ANKRD30A: variants seen among roughly 807,000 people sequenced by gnomAD.
The protein encoded by ANKRD30A is ankyrin repeat domain 30A, also known as ankyrin repeat domain-containing protein 30A.
ANKRD30A carries 170 observed loss-of-function variants against 166.3 expected under a neutral mutation model. That is an observed-to-expected ratio of 1.02 (90% CI 0.90 to 1.16). The LOEUF (loss-of-function observed/expected upper bound fraction) is 1.16, where lower values mean the gene tolerates loss of function less well. ANKRD30A is among the 50% of genes most tolerant of loss of function. The pLI is 0.00. For synonymous variants in ANKRD30A, 564 were observed against 508.9 expected (o/e 1.11, Z -1.46); for missense variants, 1,630 against 1,518.0 (o/e 1.07, Z -1.23).
At position 37,143,301 on chromosome 10, in the gene ANKRD30A, C is replaced by T. The variant is rs567671994; in HGVS notation, c.1393+1011C>T. 3.3e-4 allele frequency among the ~76,000 whole-genome samples: 50 copies of T among 152,204 alleles called. 1 individual carries two copies. Among genetic ancestry groups the T allele is most frequent in the Middle Eastern group, 6.8e-3 (2 of 294 alleles). ...ACAAGATTAGATTTGAGTATCAGGG[C>T]ATACTGGTTATGGTATAAGGCAGAG... On this transcript the variant is annotated intron_variant, in intron 7 of 35. Transcript: ENST00000361713.
chr10:37,128,634 A>G (rs1345661588), intron 1 of ANKRD30A, among the ~76,000 whole-genome samples: 2 of 152,224 alleles, frequency 1.3e-5, no homozygotes, highest in East Asian at 3.9e-4. Flanking sequence ...GTATTGATCC[A>G]TTCTTTTAAT....
downstream of ANKRD30A, among the ~76,000 whole-genome samples, chr10:37,233,981 G>T (rs535132305): frequency 5.9e-5 from 9 of 152,220 alleles, no homozygotes; most frequent in African/African-American, 1.9e-4. Context: ...TTGCAAGGTT[G>T]TAATATTTGG....
intron 5 of ANKRD30A, 84 bp downstream of exon 5, chr10:37,134,137 G>A (rs1836537449): frequency 2.6e-6 from 4 of 1,511,416 alleles, no homozygotes; most frequent in Non-Finnish European, 3.6e-6. Flanking sequence ...CACTTCATCA[G>A]CCAGAAACTA....
At chr10:37,153,172 GTTT>G (rs1242626300) in intron 12 of ANKRD30A, among the ~76,000 whole-genome samples, 7 of 152,104 alleles carry the variant, frequency 4.6e-5, no homozygotes, top group Admixed American at 2.0e-4. Context: ...TATTTTAAAT[GTTT>G]AATGCTGTAT....
At chr10:37,205,604 CA>C (rs1463669895) in intron 31 of ANKRD30A, among the ~76,000 whole-genome samples, 4 of 151,548 alleles carry the variant, frequency 2.6e-5, no homozygotes, top group African/African-American at 9.7e-5. Context: ...ATAATAACAA[CA>C]AAAAAAATTT....
At chr10:37,151,931 G>C (rs17590099) in intron 11 of ANKRD30A, 129 bp from the exon 12 acceptor site, 2 of 744,428 alleles carry the variant, frequency 2.7e-6, no homozygotes, top group Non-Finnish European at 2.1e-6. Flanking sequence ...TATTGTAATC[G>C]ACAAAAAGAA....
At chr10:37,209,856 T>G (rs1156985303) in intron 31 of ANKRD30A, among the ~76,000 whole-genome samples, 1 of 152,130 alleles carries the variant, frequency 6.6e-6, no homozygotes, top group Non-Finnish European at 1.5e-5. Flanking sequence ...GATCTTATTT[T>G]CCTATTGTTG....
At chr10:37,167,511 G>A (rs927278263) in intron 19 of ANKRD30A, among the ~76,000 whole-genome samples, 1 of 151,496 alleles carries the variant, frequency 6.6e-6, no homozygotes, top group African/African-American at 2.4e-5. Context: ...TACCTAAATT[G>A]TTGTTATTCG....
At chr10:37,191,679 C>T (rs1013314111) in intron 25 of ANKRD30A, among the ~76,000 whole-genome samples, 38 of 151,854 alleles carry the variant, frequency 2.5e-4, no homozygotes, top group Non-Finnish European at 2.8e-4. Flanking sequence ...TTTTGTTCAG[C>T]GATTAGCTTG....
chr10:37,256,200 T>C, the ANKRD30A span, among the ~76,000 whole-genome samples: 2 of 152,196 alleles, frequency 1.3e-5, no homozygotes, highest in African/African-American at 2.4e-5. Context: ...GCTCCCTATC[T>C]AAAGTAGCAG....
chr10:37,148,152 A>G (rs748273610), intron 9 of ANKRD30A, among the ~76,000 whole-genome samples: 13 of 152,166 alleles, frequency 8.5e-5, no homozygotes, highest in South Asian at 2.1e-4. Context: ...CTAAATTTTA[A>G]TAAGTTCTCA....
intron 13 of ANKRD30A, 145 bp downstream of exon 13, chr10:37,153,807 T>C: frequency 8.4e-7 from 1 of 1,193,048 alleles, no homozygotes; most frequent in South Asian, 1.4e-5. Context: ...GTAAGTTGTA[T>C]GTCTCATCAG....
chr10:37,151,756 A>G (rs1265757431), intron 11 of ANKRD30A, among the ~76,000 whole-genome samples: 1 of 152,124 alleles, frequency 6.6e-6, no homozygotes, highest in Non-Finnish European at 1.5e-5. Flanking sequence ...ATGAACAGCA[A>G]ATATAGGACA....
intron 24 of ANKRD30A, among the ~76,000 whole-genome samples, chr10:37,184,068 C>T (rs1393597316): frequency 2.0e-5 from 3 of 151,578 alleles, no homozygotes; most frequent in African/African-American, 7.2e-5. Flanking sequence ...GTCCTTGGAG[C>T]TTGGTCTGAG....
the ANKRD30A span, among the ~76,000 whole-genome samples, chr10:37,243,526 T>A: frequency 3.3e-5 from 5 of 152,082 alleles, no homozygotes; most frequent in Non-Finnish European, 7.4e-5. Context: ...GAGGGTCAAT[T>A]GCATTTGTAA....
At position 37,219,968 on chromosome 10, in the gene ANKRD30A, C is replaced by A. The variant is rs529493887; in HGVS notation, c.4185+71C>A. On this transcript the variant is annotated intron_variant, in intron 34 of 35. Coordinates refer to ENST00000361713, the MANE Select transcript of ANKRD30A (RefSeq NM_052997.3). Reference sequence around the variant, plus strand: ...AGTTTAAAGTCATATTTGGCCTTGGCTAAATGCTGAATCTAGTTGAATATA... The same window carrying A: ...AGTTTAAAGTCATATTTGGCCTTGGATAAATGCTGAATCTAGTTGAATATA... 4.6e-5 allele frequency: 48 copies of A among 1,040,380 alleles called. No individual in the cohort carries two copies. In the Admixed American group the frequency reaches 6.0e-4, roughly 13 times the overall value. 64.4% of individuals were successfully genotyped at this position (1,040,380 alleles called of 1,614,324 possible). A position where few individuals can be genotyped will look rare whatever the true frequency, so the allele number is the denominator to read the frequency against.
At chr10:37,179,104 G>A (rs1839997038) in intron 24 of ANKRD30A, among the ~76,000 whole-genome samples, 1 of 146,940 alleles carries the variant, frequency 6.8e-6, no homozygotes, top group Non-Finnish European at 1.5e-5. Context: ...TTCACAATTT[G>A]AATAAGATAT....
chr10:37,193,921 A>G (rs1442429018), intron 27 of ANKRD30A, among the ~76,000 whole-genome samples: 1 of 152,160 alleles, frequency 6.6e-6, no homozygotes, highest in Non-Finnish European at 1.5e-5. Flanking sequence ...TAGGCCGTGC[A>G]CGGTGGCACG....
chr10:37,263,195 TA>T, the ANKRD30A span, among the ~76,000 whole-genome samples: 2,171 of 134,988 alleles, frequency 0.016, 9 homozygotes, highest in Middle Eastern at 0.036. Context: ...AATGCTCTGC[TA>T]AAAAAAAAAA....
Sources: allele counts gnomAD v4.1 joint callset (sites outside exome capture counted in the v4.1 genomes callset), GRCh38; gene constraint gnomAD v4.1.1; transcripts MANE v1.5; gene names NCBI Gene and HGNC (gene_info 2026-07-23, HGNC 2026-07-21).